Variants in NUDT9 observed in about 807,000 individuals in gnomAD.
The protein encoded by NUDT9 is nudix hydrolase 9, also known as ADP-ribose pyrophosphatase.
In NUDT9, 31 loss-of-function variants were observed where a neutral mutation model predicts 41.0. The ratio of observed to expected loss-of-function variants is 0.76; its 90% CI spans 0.57 to 1.02. The LOEUF (loss-of-function observed/expected upper bound fraction) is 1.02, where lower values mean the gene tolerates loss of function less well. Among genes scored for constraint, NUDT9 ranks in the 50% least tolerant of loss-of-function variants. The pLI, the probability that NUDT9 is intolerant of heterozygous loss-of-function variation, is 0.00. For missense variants in NUDT9, 380 were observed against 431.4 expected (o/e 0.88, Z 1.06); for synonymous variants, 146 against 147.6 (o/e 0.99, Z 0.08).
intron 4 of NUDT9, among the ~76,000 whole-genome samples, chr4:87,443,127 T>C (rs1267210331): frequency 6.6e-6 from 1 of 152,166 alleles, no homozygotes; most frequent in East Asian, 1.9e-4. Context: ...GGTGAGGATA[T>C]TGACAATGGC....
At chr4:87,429,040 C>G (rs572040394) in intron 1 of NUDT9, among the ~76,000 whole-genome samples, 1 of 152,096 alleles carries the variant, frequency 6.6e-6, no homozygotes, top group Non-Finnish European at 1.5e-5. Flanking sequence ...GTGAAACTTG[C>G]GTATGATACC....
At chr4:87,457,766 A>G in intron 7 of NUDT9, 77 bp from the exon 8 acceptor site, 1 of 1,305,536 alleles carries the variant, frequency 7.7e-7, no homozygotes, top group Middle Eastern at 1.8e-4. Context: ...ATTATTTTAA[A>G]TAAGAATACT....
chr4:87,448,481 AT>A (rs1312990114), intron 4 of NUDT9, among the ~76,000 whole-genome samples: 3 of 148,980 alleles, frequency 2.0e-5, no homozygotes, highest in Admixed American at 6.7e-5. Context: ...ACTACCAGTA[AT>A]TTTTTTTTTC....
chr4:87,429,980 A>G (rs1224571974), intron 1 of NUDT9, among the ~76,000 whole-genome samples: 1 of 152,200 alleles, frequency 6.6e-6, no homozygotes. Context: ...GAACCTGTGT[A>G]TATGTTGCCT....
At chr4:87,457,144 G>T (rs1159450608) in intron 7 of NUDT9, among the ~76,000 whole-genome samples, 1 of 151,746 alleles carries the variant, frequency 6.6e-6, no homozygotes, top group East Asian at 1.9e-4. Flanking sequence ...AAAAGCTCTT[G>T]ATAAACATTG....
chr4:87,440,819 G>A (rs1239338956), intron 3 of NUDT9, among the ~76,000 whole-genome samples: 6 of 151,090 alleles, frequency 4.0e-5, no homozygotes, highest in Admixed American at 2.0e-4. Flanking sequence ...GCACTCCAGC[G>A]TGGGTGACAG....
Position 87,422,951 on chromosome 4 carries a change from T to C in NUDT9, c.46T>C (p.Ser16Pro), listed in dbSNP as rs778609763. 1 of 1,613,060 alleles carries C rather than the reference T, an allele frequency of 6.2e-7. No homozygotes were observed. Among genetic ancestry groups the C allele is most frequent in the South Asian group, 1.1e-5 (1 of 90,940 alleles). The change falls in exon 1 of 8, where the codon TCT becomes CCT. Residue 16 changes from serine (S) to proline (P), a missense_variant. Transcript: ENST00000302174. ...AAAGGCTTTAGCCGCGGTGTCTCTC[T>C]CTCTGGCCTTGGCCTCTGTGACTAT... ...LGKALAAVSL[S>P]LALASVTIRS...
chr4:87,429,551 CTTTTTTCCTTCTCT>C (rs1721586575), intron 1 of NUDT9, among the ~76,000 whole-genome samples: 1 of 151,926 alleles, frequency 6.6e-6, no homozygotes. Flanking sequence ...TTTGGGTAGT[CTTTTTTCCTTCTCT>C]TTTTTTCCTT....
At chr4:87,450,382 T>C (rs1044087343) in intron 5 of NUDT9, among the ~76,000 whole-genome samples, 14 of 141,324 alleles carry the variant, frequency 9.9e-5, no homozygotes, top group South Asian at 2.3e-4. Flanking sequence ...CTTTTTCTTT[T>C]TTTTTTTTTT....
At chr4:87,454,685 T>C (rs1190692937) in intron 7 of NUDT9, among the ~76,000 whole-genome samples, 1 of 152,222 alleles carries the variant, frequency 6.6e-6, no homozygotes, top group African/African-American at 2.4e-5. Flanking sequence ...TGGTAACATT[T>C]GAAATTAAGG....
chr4:87,443,059 G>A (rs566539707), intron 4 of NUDT9, among the ~76,000 whole-genome samples: 16 of 152,272 alleles, frequency 1.1e-4, no homozygotes, highest in African/African-American at 3.6e-4. Flanking sequence ...TCTTATGACT[G>A]GCAGTGCAGT....
Position 87,441,841 on chromosome 4 carries a change from A to G in NUDT9, c.456A>G (p.Gly152=). The G allele has an allele frequency of 6.2e-7, 1 of 1,613,550 alleles. No homozygotes were observed. The highest frequency in any genetic ancestry group is 8.5e-7 in the Non-Finnish European group (1 of 1,179,764). The change falls in exon 4 of 8, where the codon GGA becomes GGG. Residue 152 remains glycine (G), a synonymous_variant. Coordinates refer to ENST00000302174, the MANE Select transcript of NUDT9 (RefSeq NM_024047.5). ...TTTGTTTTTCCAGAAATCCTGCAGGACGGACTGGACTGGTGGGCCGGGGGC... is the reference window on the plus strand; with the variant it reads ...TTTGTTTTTCCAGAAATCCTGCAGGGCGGACTGGACTGGTGGGCCGGGGGC... ...IENGRPRNPA[G]RTGLVGRGLL...
intron 7 of NUDT9, among the ~76,000 whole-genome samples, chr4:87,456,999 A>C (rs1465593156): frequency 1.3e-5 from 2 of 152,124 alleles, no homozygotes; most frequent in Non-Finnish European, 2.9e-5. Context: ...GCTTGTCTCT[A>C]TTTCATCAGA....
At position 87,458,039 on chromosome 4, in the gene NUDT9, A is replaced by G; in HGVS notation, c.*18A>G. On this transcript the variant is annotated 3_prime_UTR_variant, in exon 8 of 8. Coordinates refer to ENST00000302174, the MANE Select transcript of NUDT9 (RefSeq NM_024047.5). ...CGTTGTAGCTGATGGTCTCCGTGTAAGCCAAAGGCCCACAGAGGAGCATAT... is the reference window on the plus strand; with the variant it reads ...CGTTGTAGCTGATGGTCTCCGTGTAGGCCAAAGGCCCACAGAGGAGCATAT... The G allele has an allele frequency of 1.3e-6, 2 of 1,505,758 alleles. No homozygotes were observed. The highest frequency in any genetic ancestry group is 1.8e-6 in the Non-Finnish European group (2 of 1,135,056). 93.3% of individuals were successfully genotyped at this position (1,505,758 alleles called of 1,614,324 possible).
chr4:87,442,029 G>A, intron 4 of NUDT9, 114 bp downstream of exon 4: 2 of 677,968 alleles, frequency 2.9e-6, no homozygotes, highest in Non-Finnish European at 5.0e-6. Context: ...ATATGTATGT[G>A]TTTGTATATA....
At chr4:87,457,548 A>G (rs1311919611) in intron 7 of NUDT9, among the ~76,000 whole-genome samples, 1 of 152,148 alleles carries the variant, frequency 6.6e-6, no homozygotes, top group Admixed American at 6.5e-5. Context: ...TTTTGATGTA[A>G]GGTTTCATAT....
intron 1 of NUDT9, among the ~76,000 whole-genome samples, 157 bp downstream of exon 1, chr4:87,423,169 T>C (rs1390419568): frequency 4.6e-5 from 7 of 152,254 alleles, no homozygotes; most frequent in Non-Finnish European, 8.8e-5. Flanking sequence ...ATATTTTATC[T>C]GCCTTTTGAG....
Position 87,437,622 on chromosome 4 carries a change from G to A in NUDT9, c.348-655G>A, listed in dbSNP as rs137880313. 9.2e-3 allele frequency among the ~76,000 whole-genome samples: 1,403 copies of A among 152,122 alleles called. 18 individuals are homozygous for A. Among genetic ancestry groups the A allele is most frequent in the African/African-American group, 0.024 (993 of 41,460 alleles). Reference sequence around the variant, plus strand: ...CTCCCAAAGTGCTGGGATTACAGGCGTGAGCCACCATGCCTGGCTGTAAAG... The same window carrying A: ...CTCCCAAAGTGCTGGGATTACAGGCATGAGCCACCATGCCTGGCTGTAAAG... On this transcript the variant is annotated intron_variant, in intron 2 of 7. Coordinates refer to ENST00000302174, the MANE Select transcript of NUDT9 (RefSeq NM_024047.5).
In NUDT9 at chr4:87,450,007, G is replaced by A. The variant is rs768096976; in HGVS notation, c.642+754G>A. Reference sequence around the variant, plus strand: ...TCTCCCAACGTAGCTGGGATTACAAGTGTGTGCCGCTATGCCTGGCTAATT... The same window carrying A: ...TCTCCCAACGTAGCTGGGATTACAAATGTGTGCCGCTATGCCTGGCTAATT... On this transcript the variant is annotated intron_variant, in intron 5 of 7. Coordinates refer to ENST00000302174, the MANE Select transcript of NUDT9 (RefSeq NM_024047.5). Among the ~76,000 whole-genome samples, 8 of 152,196 alleles carry A rather than the reference G, an allele frequency of 5.3e-5. No homozygotes were observed. In the East Asian group the frequency reaches 1.6e-3, roughly 30 times the overall value.
Sources: allele counts gnomAD v4.1 joint callset (sites outside exome capture counted in the v4.1 genomes callset), GRCh38; gene constraint gnomAD v4.1.1; transcripts MANE v1.5; gene names NCBI Gene and HGNC (gene_info 2026-07-23, HGNC 2026-07-21).